Variants in CTCF observed in about 807,000 individuals in gnomAD.
CTCF encodes the protein transcriptional repressor CTCF.
Under a neutral mutation model 72.3 loss-of-function variants are expected in CTCF, and 7 were observed. That is an observed-to-expected ratio of 0.10 (90% CI 0.06 to 0.18). The LOEUF is 0.18. Among genes scored for constraint, CTCF ranks in the 10% least tolerant of loss-of-function variants. CTCF has a pLI of 1.00. For synonymous variants in CTCF, 374 were observed against 315.8 expected (o/e 1.18, Z -1.95); for missense variants, 516 against 949.1 (o/e 0.54, Z 6.00).
At position 67,611,380 on chromosome 16, in the gene CTCF, T is replaced by G; in HGVS notation, c.548T>G (p.Leu183Arg). The G allele has an allele frequency of 6.2e-7, 1 of 1,614,104 alleles. No homozygotes were observed. The highest frequency in any genetic ancestry group is 1.1e-5 in the South Asian group (1 of 91,080). Residue 183 changes from leucine (L) to arginine (R), a missense_variant, in exon 3 of 12, where the codon CTT becomes CGT. By Grantham distance (102) the Leu-to-Arg change is moderately radical. Around this residue, in one of 7 missense-constraint regions of CTCF, gnomAD observed 53 missense variants for 63.6 expected, o/e 0.83. Transcript: ENST00000264010. ...GTGGAGACACTAGAACAAGGGGAACTTCCACCCCAGGAAGATCCTAGTTGG... is the reference window on the plus strand; with the variant it reads ...GTGGAGACACTAGAACAAGGGGAACGTCCACCCCAGGAAGATCCTAGTTGG... ...GEVETLEQGE[L>R]PPQEDPSWQK...
rs565574161 is a variant in CTCF, at chr16:67,618,247, C to A, written c.1086+1369C>A. 1.1e-3 allele frequency among the ~76,000 whole-genome samples: 167 copies of A among 152,176 alleles called. 2 individuals carry two copies. Among genetic ancestry groups the A allele is most frequent in the South Asian group, 4.8e-3 (23 of 4,816 alleles). ...TGAAACACCATCTGTACTAAAAATA[C>A]AAAAATTAGCTGGGCATGGCAGCAT... On this transcript the variant is annotated intron_variant, in intron 5 of 11. Transcript: ENST00000264010.
At chr16:67,608,047 G>A (rs2052001406) in intron 2 of CTCF, among the ~76,000 whole-genome samples, 1 of 136,648 alleles carries the variant, frequency 7.3e-6, no homozygotes, top group African/African-American at 3.0e-5. Context: ...AAAACCGGTT[G>A]GGCGCAGTGG....
chr16:67,635,152 G>T (rs139345354), intron 10 of CTCF, among the ~76,000 whole-genome samples: 3 of 152,118 alleles, frequency 2.0e-5, no homozygotes, highest in East Asian at 3.9e-4. Context: ...CTCCCGAGTA[G>T]CTGGGACTAC....
At chr16:67,614,966 C>T (rs1451023787) in intron 4 of CTCF, 3 of 150,868 alleles carry the variant, frequency 2.0e-5, no homozygotes, top group Non-Finnish European at 4.4e-5. Flanking sequence ...GAAACCCCGT[C>T]TCTACTGAAA....
chr16:67,607,893 C>T (rs1304273570), intron 2 of CTCF, among the ~76,000 whole-genome samples: 1 of 151,364 alleles, frequency 6.6e-6, no homozygotes, highest in Non-Finnish European at 1.5e-5. Context: ...GTGGTGGGCA[C>T]CTGTAATCCC....
intron 1 of CTCF, among the ~76,000 whole-genome samples, chr16:67,563,049 G>C (rs1240766276): frequency 6.6e-6 from 1 of 151,306 alleles, no homozygotes; most frequent in African/African-American, 2.4e-5. Flanking sequence ...CTCGAGGCCG[G>C]TTCTTGGCCG....
chr16:67,590,632 C>A (rs1448905049), intron 2 of CTCF, among the ~76,000 whole-genome samples: 1 of 151,734 alleles, frequency 6.6e-6, no homozygotes, highest in East Asian at 2.0e-4. Context: ...CCACCGTGCC[C>A]GGCCCTAACT....
chr16:67,635,050 T>C (rs1004580740), intron 10 of CTCF, among the ~76,000 whole-genome samples: 1 of 149,920 alleles, frequency 6.7e-6, no homozygotes, highest in Non-Finnish European at 1.5e-5. Context: ...TGAGACGGAG[T>C]CTTGCTCTGT....
intron 2 of CTCF, among the ~76,000 whole-genome samples, chr16:67,580,265 T>C (rs1399313234): frequency 1.3e-5 from 2 of 152,162 alleles, no homozygotes; most frequent in Non-Finnish European, 2.9e-5. Flanking sequence ...GCTAGAGTGC[T>C]GTGGTGTGAT....
chr16:67,624,548 T>G (rs1228356040), intron 7 of CTCF, among the ~76,000 whole-genome samples: 1 of 152,124 alleles, frequency 6.6e-6, no homozygotes, highest in African/African-American at 2.4e-5. Context: ...TTCTCTTATT[T>G]TAACCTTTTT....
chr16:67,586,810 T>G (rs1646250132), intron 2 of CTCF, among the ~76,000 whole-genome samples: 1 of 152,196 alleles, frequency 6.6e-6, no homozygotes, highest in Non-Finnish European at 1.5e-5. Context: ...TGGGTTTTTT[T>G]TGAGACAGGG....
At chr16:67,620,967 C>G in intron 6 of CTCF, 150 bp downstream of exon 6, 1 of 578,782 alleles carries the variant, frequency 1.7e-6, no homozygotes, top group Non-Finnish European at 2.7e-6. Flanking sequence ...CCGGCATATC[C>G]TCTGAATTCG....
At chr16:67,584,966 A>G (rs2051649327) in intron 2 of CTCF, among the ~76,000 whole-genome samples, 1 of 152,220 alleles carries the variant, frequency 6.6e-6, no homozygotes, top group African/African-American at 2.4e-5. Flanking sequence ...AAAAACATGC[A>G]TCAATGTGTA....
rs1192532039 is a variant in CTCF, at chr16:67,616,737, T to G, written c.953-8T>G. 2 of 1,614,062 alleles carry G rather than the reference T, an allele frequency of 1.2e-6. No homozygotes were observed. Among genetic ancestry groups the G allele is most frequent in the Non-Finnish European group, 1.7e-6 (2 of 1,179,930 alleles). On this transcript the variant is annotated splice_region_variant and splice_polypyrimidine_tract_variant and intron_variant, in intron 4 of 11. Transcript: ENST00000264010. Reference sequence around the variant, plus strand: ...CTTGCTCTTCCTGTTACTCCATCCTTTCTCTAGGTACTCGTCCTCACAAGT... The same window carrying G: ...CTTGCTCTTCCTGTTACTCCATCCTGTCTCTAGGTACTCGTCCTCACAAGT...
chr16:67,597,129 G>C (rs2051825525), intron 2 of CTCF, among the ~76,000 whole-genome samples: 1 of 152,044 alleles, frequency 6.6e-6, no homozygotes, highest in Non-Finnish European at 1.5e-5. Flanking sequence ...AACCTCCCCA[G>C]GTTCAGGAGA....
At chr16:67,564,100 C>G (rs929720148) in intron 1 of CTCF, 3 of 152,160 alleles carry the variant, frequency 2.0e-5, no homozygotes, top group African/African-American at 7.2e-5. Flanking sequence ...GAGTTTCGAT[C>G]AACTAGGAAA....
At chr16:67,604,860 A>C (rs779840351) in intron 2 of CTCF, among the ~76,000 whole-genome samples, 26 of 150,680 alleles carry the variant, frequency 1.7e-4, no homozygotes, top group Middle Eastern at 6.9e-3. Flanking sequence ...GCCAGCCTAG[A>C]GAATTTATAT....
rs1319383325 is a variant in CTCF, at chr16:67,636,776, A to G, written c.1924A>G (p.Thr642Ala). 1.9e-6 allele frequency: 3 copies of G among 1,606,014 alleles called. No individual in the cohort carries two copies. The highest frequency in any genetic ancestry group is 1.7e-6 in the Non-Finnish European group (2 of 1,176,350). The change falls in exon 11 of 12, where the codon ACC becomes GCC. Residue 642 changes from threonine (T) to alanine (A), a missense_variant. Thr to Ala is a moderately conservative substitution (Grantham distance 58). This residue lies in a region of CTCF where 157 missense variants were observed against 172.9 expected (regional missense o/e 0.91). Coordinates refer to ENST00000264010, the MANE Select transcript of CTCF (RefSeq NM_006565.4). ...ACCTGAGCCAGAGCCTCAGCCTGTG[A>G]CCCCAGCCCCACCACCCGCCAAGAA... is the stretch of plus-strand genomic sequence containing the variant. ...IEPEPEPQPV[T>A]PAPPPAKKRR...
intron 10 of CTCF, among the ~76,000 whole-genome samples, chr16:67,631,816 T>A (rs2052369756): frequency 6.6e-6 from 1 of 150,420 alleles, no homozygotes; most frequent in Non-Finnish European, 1.5e-5. Flanking sequence ...CTCACGCCTG[T>A]AATCCCAGCA....
Sources: gnomAD v4.1 joint callset for allele counts (sites outside exome capture counted in the v4.1 genomes callset) on GRCh38, gnomAD v4.1.1 for gene constraint, gnomAD v4.1.1 regional missense constraint, MANE v1.5 for transcripts, NCBI Gene and HGNC (gene_info 2026-07-23, HGNC 2026-07-21) for gene names.